Variants in TMOD4 observed in about 807,000 individuals in gnomAD.
TMOD4 encodes tropomodulin 4, also known as tropomodulin-4.
TMOD4 carries 34 observed loss-of-function variants against 45.4 expected under a neutral mutation model. The ratio of observed to expected loss-of-function variants is 0.75; its 90% CI spans 0.57 to 1.00. TMOD4 has a LOEUF of 1.00. TMOD4 is among the 50% of genes least tolerant of loss of function. The probability of loss-of-function intolerance (pLI) is 0.00; values close to 1 mark genes in which losing one functional copy is unlikely to be tolerated. For missense variants in TMOD4, 399 were observed against 437.5 expected (o/e 0.91, Z 0.78); for synonymous variants, 131 against 153.9 (o/e 0.85, Z 1.10).
Position 151,171,015 on chromosome 1 carries a change from T to A in TMOD4, c.775A>T (p.Ile259Phe), listed in dbSNP as rs200493158. 55 of 1,614,038 alleles carry A rather than the reference T, an allele frequency of 3.4e-5. No homozygotes were observed. Among genetic ancestry groups the A allele is most frequent in the Middle Eastern group, 1.6e-4 (1 of 6,084 alleles). The change falls in exon 8 of 10, where the codon ATC becomes TTC. Residue 259 changes from isoleucine (I) to phenylalanine (F), a missense_variant. By Grantham distance (21) the Ile-to-Phe change is conservative. Transcript: ENST00000295314. ...GTGCTGCTAATGAAGTTGGATTCGA[T>A]GTTTAGGCTCTGGAGGCTACGATTC... ...RENRSLQSLN[I>F]ESNFISSTGL...
At position 151,171,071 on chromosome 1, in the gene TMOD4, G is replaced by T. The variant is rs1401513800; in HGVS notation, c.727-8C>A. 2 of 1,613,820 alleles carry T rather than the reference G, an allele frequency of 1.2e-6. No homozygotes were observed. Among genetic ancestry groups the T allele is most frequent in the Non-Finnish European group, 1.7e-6 (2 of 1,179,958 alleles). ...CAACATGTCAGCCACTGCCTGGGTA[G>T]TAGGGACTTGGGTTAGGATTAGGGA... On this transcript the variant is annotated splice_polypyrimidine_tract_variant and splice_region_variant and intron_variant, in intron 7 of 9. Coordinates refer to ENST00000295314, the MANE Select transcript of TMOD4 (RefSeq NM_013353.3).
rs587769143 is a variant in TMOD4, at chr1:151,171,035, C to T, written c.755G>A (p.Arg252His). The change falls in exon 8 of 10, where the codon CGT becomes CAT. Residue 252 changes from arginine (R) to histidine (H), a missense_variant. Physicochemically the swap from Arg to His is conservative, Grantham distance 29. Transcript: ENST00000295314. ...TTCGATGTTTAGGCTCTGGAGGCTACGATTCTCACGCAACATGTCAGCCAC... is the reference window on the plus strand; with the variant it reads ...TTCGATGTTTAGGCTCTGGAGGCTATGATTCTCACGCAACATGTCAGCCAC... ...NAVADMLREN[R>H]SLQSLNIESN... 25 of 1,614,102 alleles carry T rather than the reference C, an allele frequency of 1.5e-5. No homozygotes were observed. Among genetic ancestry groups the T allele is most frequent in the African/African-American group, 1.2e-4 (9 of 75,034 alleles).
rs1432447027 is a variant in TMOD4, at chr1:151,170,027, G to T, written c.*54C>A. 1 of 1,602,008 alleles carries T rather than the reference G, an allele frequency of 6.2e-7. No homozygotes were observed. Among genetic ancestry groups the T allele is most frequent in the East Asian group, 2.2e-5 (1 of 44,816 alleles). The stretch of plus-strand genomic sequence containing the variant: ...TTATTTACAGGAAAGGAGGACAGAT[G>T]AGGATTTAAGTGTCCAGTGCTCCCA... On this transcript the variant is annotated 3_prime_UTR_variant, in exon 10 of 10. Transcript: ENST00000295314.
chr1:151,174,951 T>C, intron 1 of TMOD4, 34 bp from the exon 2 acceptor site: 1 of 1,578,824 alleles, frequency 6.3e-7, no homozygotes, highest in Admixed American at 1.7e-5. Context: ...TGGACAATGG[T>C]AAGATGGACA....
chr1:151,171,610 T>G (rs74423006), intron 6 of TMOD4, 23 bp downstream of exon 6: 781 of 1,614,142 alleles, frequency 4.8e-4, no homozygotes, highest in East Asian at 2.5e-4. Context: ...GGTGTTATGG[T>G]TTGGAGGATG....
At chr1:151,175,634 T>C (rs372501159) in intron 1 of TMOD4, 1 of 152,152 alleles carries the variant, frequency 6.6e-6, no homozygotes, top group East Asian at 1.9e-4. Flanking sequence ...AGGGTAAAGT[T>C]TCTTTAAAAA....
rs748375930 is a variant in TMOD4 at position 151,170,085 on chromosome 1, C to T, written c.1034G>A (p.Arg345Lys). The T allele has an allele frequency of 5.6e-6, 9 of 1,614,164 alleles. No individual in the cohort carries two copies. Among genetic ancestry groups the T allele is most frequent in the Non-Finnish European group, 6.8e-6 (8 of 1,180,026 alleles). ...TTGGTAAAGGGAAATGCAGTGTTATCTCTTCTTTTGCTGGCGACCTGTAAA... is the reference window on the plus strand; with the variant it reads ...TTGGTAAAGGGAAATGCAGTGTTATTTCTTCTTTTGCTGGCGACCTGTAAA... ...NNELRRQQKKR is the reference protein window; with the variant it reads ...NNELRRQQKKK The change falls in exon 10 of 10, where the codon AGA (arginine) becomes AAA (lysine). Residue 345 changes from arginine (R) to lysine (K), a missense_variant. Arg to Lys is a conservative substitution (Grantham distance 26). Transcript: ENST00000295314.
intron 3 of TMOD4, among the ~76,000 whole-genome samples, chr1:151,173,875 G>A (rs894958540): frequency 6.6e-6 from 1 of 152,032 alleles, no homozygotes; most frequent in Non-Finnish European, 1.5e-5. Context: ...TCAGGAGATC[G>A]AGACCATCCT....
In TMOD4 at chr1:151,174,769, T is replaced by C. The variant is rs1684054984; in HGVS notation, c.107A>G (p.Gln36Arg). ...EELEQLDCEL[Q>R]EMDPENMLLP... ...AGCCCCTACCTCAGGATCCATCTCC[T>C]GTAGTTCGCAGTCCAGCTGCTCTAG... The change falls in exon 2 of 10, where the codon CAG (glutamine) becomes CGG (arginine). Residue 36 changes from glutamine to arginine, a missense_variant. Physicochemically the swap from Gln to Arg is conservative, Grantham distance 43 (BLOSUM62 1). Coordinates refer to ENST00000295314, the MANE Select transcript of TMOD4 (RefSeq NM_013353.3). The C allele has an allele frequency of 1.9e-6, 3 of 1,613,974 alleles. No individual in the cohort carries two copies. Among genetic ancestry groups the C allele is most frequent in the Middle Eastern group, 1.7e-4 (1 of 5,892 alleles).
intron 3 of TMOD4, among the ~76,000 whole-genome samples, chr1:151,174,187 G>T (rs2101715659): frequency 2.6e-5 from 4 of 152,184 alleles, no homozygotes; most frequent in Middle Eastern, 6.8e-3. Flanking sequence ...CTGCACTCCA[G>T]CCTGGGCAAC....
intron 4 of TMOD4, 41 bp downstream of exon 4, chr1:151,173,458 G>A: frequency 1.3e-6 from 2 of 1,496,712 alleles, no homozygotes; most frequent in Non-Finnish European, 1.9e-6. Flanking sequence ...GAATCCACCT[G>A]CCCCTGATCC....
intron 8 of TMOD4, 31 bp from the exon 9 acceptor site, chr1:151,170,694 C>A: frequency 6.2e-7 from 1 of 1,612,546 alleles, no homozygotes; most frequent in South Asian, 1.1e-5. Context: ...AGCTGACAGT[C>A]ACCCTCTCTG....
intron 1 of TMOD4, chr1:151,175,195 C>T (rs1684065977): frequency 3.1e-6 from 1 of 320,058 alleles, no homozygotes; most frequent in African/African-American, 2.2e-5. Flanking sequence ...GGCAGCACCC[C>T]TCCCCTATAA....
Position 151,172,289 on chromosome 1 carries a change from A to T in TMOD4, c.466T>A (p.Cys156Ser). The change falls in exon 5 of 10, where the codon TGC (cysteine) becomes AGC (serine). Residue 156 changes from cysteine to serine, a missense_variant. Transcript: ENST00000295314. ...YYDALCSGEI[C>S]NTEGISSVVQ... is the part of the protein sequence containing the mutation. Reference sequence around the variant, plus strand: ...TCACTGCTAATGCCTTCAGTGTTGCAGATTTCTCCACTGCAGAGGGCATCA... The same window carrying T: ...TCACTGCTAATGCCTTCAGTGTTGCTGATTTCTCCACTGCAGAGGGCATCA... The T allele has an allele frequency of 6.2e-7, 1 of 1,613,782 alleles. No individual in the cohort carries two copies. The highest frequency in any genetic ancestry group is 8.5e-7 in the Non-Finnish European group (1 of 1,179,770).
chr1:151,171,635 G>C lies in TMOD4; in HGVS notation c.616C>G (p.Gln206Glu). 1 of 1,614,094 alleles carries C rather than the reference G, an allele frequency of 6.2e-7. No individual in the cohort carries two copies. Among genetic ancestry groups the C allele is most frequent in the Non-Finnish European group, 8.5e-7 (1 of 1,180,024 alleles). The change falls in exon 6 of 10, where the codon CAG (glutamine) becomes GAG (glutamate). Residue 206 changes from glutamine to glutamate, a missense_variant and splice_region_variant. By Grantham distance (29) the Gln-to-Glu change is conservative. Transcript: ENST00000295314. Reference sequence around the variant, plus strand: ...TTTGGAGGATGCAAGTCAAATACCTGTATATTATTCAAGTTCACCTCCTCC... The same window carrying C: ...TTTGGAGGATGCAAGTCAAATACCTCTATATTATTCAAGTTCACCTCCTCC... ...ELEEVNLNNIQDIPIPMLSEL... is the reference protein window; with the variant it reads ...ELEEVNLNNIEDIPIPMLSEL...
At position 151,174,744 on chromosome 1, in the gene TMOD4, A is replaced by T. The variant is rs754849134; in HGVS notation, c.123+9T>A. On this transcript the variant is annotated intron_variant, in intron 2 of 9. Transcript: ENST00000295314. ...GACTGCCTCTGGTTCCCTGTGCTGG[A>T]GCCCCTACCTCAGGATCCATCTCCT... 6.2e-7 allele frequency: 1 copy of T among 1,613,306 alleles called. No individual in the cohort carries two copies. Among genetic ancestry groups the T allele is most frequent in the African/African-American group, 1.3e-5 (1 of 74,890 alleles).
At chr1:151,171,302 G>T in intron 7 of TMOD4, 131 bp downstream of exon 7, 1 of 876,632 alleles carries the variant, frequency 1.1e-6, no homozygotes, top group Non-Finnish European at 1.8e-6. Context: ...ACTGAAGGTA[G>T]GAGTCTCCAT....
At chr1:151,175,298 G>T in intron 1 of TMOD4, 1 of 162,564 alleles carries the variant, frequency 6.2e-6, no homozygotes, top group South Asian at 1.7e-4. Context: ...AAGGGGATGA[G>T]GGGTGGGGGA....
rs587683614 is a variant in TMOD4 at position 151,173,605 on chromosome 1, A to G, written c.291T>C (p.Tyr97=). 1.1e-5 allele frequency: 18 copies of G among 1,613,986 alleles called. No homozygotes were observed. The African/African-American group carries it at 2.1e-4, about 19-fold the overall frequency. The change falls in exon 4 of 10, where the codon TAT becomes TAC. Residue 97 remains tyrosine (Y), a synonymous_variant. Coordinates refer to ENST00000295314, the MANE Select transcript of TMOD4 (RefSeq NM_013353.3). ...CTGGGATTTCCCTCTTGGGCTGAATATAGGGTTTCCCTGATGGGGAGATGA... is the reference window on the plus strand; with the variant it reads ...CTGGGATTTCCCTCTTGGGCTGAATGTAGGGTTTCCCTGATGGGGAGATGA... ...PFTGEKKGKP[Y]IQPKREIPAE... is the part of the protein sequence containing the mutation.
Sources: gnomAD v4.1 joint callset for allele counts (sites outside exome capture counted in the v4.1 genomes callset) on GRCh38, gnomAD v4.1.1 for gene constraint, MANE v1.5 for transcripts, NCBI Gene and HGNC (gene_info 2026-07-23, HGNC 2026-07-21) for gene names.